The following GIGYF2 variants were observed in gnomAD, a reference collection of about 807,000 sequenced individuals.
GIGYF2 encodes GRB10-interacting GYF protein 2.
A neutral mutation model predicts 208.1 loss-of-function variants in GIGYF2; 25 were observed. The observed-to-expected ratio is 0.12, with a 90% CI of 0.09 to 0.17. The LOEUF (loss-of-function observed/expected upper bound fraction) is 0.17. Ranked by LOEUF, GIGYF2 falls within the 10% of genes least tolerant of loss-of-function variation. The pLI, the probability that GIGYF2 is intolerant of heterozygous loss-of-function variation, is 1.00. For missense variants in GIGYF2, 1,302 were observed against 1,579.4 expected, an observed-to-expected ratio of 0.82 and a Z score of 2.98; for synonymous variants, 534 against 543.8, an observed-to-expected ratio of 0.98 and a Z score of 0.25.
intron 28 of GIGYF2, among the ~76,000 whole-genome samples, chr2:232,851,413 AT>A (rs5839451): frequency 2.7e-4 from 41 of 149,192 alleles, no homozygotes; most frequent in Admixed American, 2.0e-3. Context: ...TGAAACTAAC[AT>A]TTTTTTTTTC....
chr2:232,791,402 G>A lies in GIGYF2; in HGVS notation c.1238G>A (p.Arg413Gln), dbSNP rs142033312. Residue 413 changes from arginine (R) to glutamine (Q), a missense_variant, in exon 12 of 29, where the codon CGG (arginine) becomes CAG (glutamine). Coordinates refer to ENST00000373563, the MANE Select transcript of GIGYF2 (RefSeq NM_001103146.3). ...EQTEKAEEET[R>Q]MENSLPAKVP... ...ACGGAAAAAGCTGAAGAGGAGACTC[G>A]GATGGAAAATAGTCTACCAGCCAAA... 18 of 1,613,978 alleles carry A rather than the reference G, an allele frequency of 1.1e-5. No individual in the cohort carries two copies. The highest frequency in any genetic ancestry group is 8.0e-5 in the African/African-American group (6 of 74,978).
At chr2:232,739,365 C>G (rs964593712) in intron 3 of GIGYF2, among the ~76,000 whole-genome samples, 5 of 128,938 alleles carry the variant, frequency 3.9e-5, no homozygotes, top group Admixed American at 7.5e-5. Context: ...AAGCAAACCC[C>G]CCCCCCCCCG....
At chr2:232,770,053 T>A (rs1699168592) in intron 8 of GIGYF2, among the ~76,000 whole-genome samples, 2 of 152,192 alleles carry the variant, frequency 1.3e-5, no homozygotes, top group African/African-American at 4.8e-5. Context: ...TTTTCCCATA[T>A]AAGTTTATAG....
At chr2:232,773,910 TAAAA>T (rs61323973) in intron 8 of GIGYF2, among the ~76,000 whole-genome samples, 8 of 112,798 alleles carry the variant, frequency 7.1e-5, no homozygotes, top group African/African-American at 9.5e-5. Flanking sequence ...TGTCTCTATT[TAAAA>T]AAAAAAAAAA....
intron 3 of GIGYF2, 106 bp from the exon 4 acceptor site, chr2:232,747,509 T>C (rs1698188527): frequency 8.2e-7 from 1 of 1,214,774 alleles, no homozygotes; most frequent in Admixed American, 1.8e-5. Context: ...GTAGGATTTC[T>C]TTTTGCTCTT....
intron 14 of GIGYF2, among the ~76,000 whole-genome samples, chr2:232,799,163 C>A (rs1054334763): frequency 1.3e-5 from 2 of 151,960 alleles, no homozygotes; most frequent in African/African-American, 2.4e-5. Context: ...GAATAATATT[C>A]CCCTGTAGGT....
intron 2 of GIGYF2, among the ~76,000 whole-genome samples, chr2:232,711,725 A>ATATATG (rs1216366399): frequency 6.8e-6 from 1 of 148,088 alleles, no homozygotes; most frequent in African/African-American, 2.5e-5. Context: ...ATATATATAT[A>ATATATG]TAGTTGTAAT....
At position 232,809,831 on chromosome 2, in the gene GIGYF2, AG is replaced by A; in HGVS notation, c.1898+22del. On this transcript the variant is annotated intron_variant, in intron 16 of 28. Coordinates refer to ENST00000373563, the MANE Select transcript of GIGYF2 (RefSeq NM_001103146.3). ...AATACAGTAAGAAGAGTAATGCAGT[AG>A]GATGTACTGCAGCATGAAAAAGGAC... The A allele has an allele frequency of 9.6e-6, 12 of 1,251,494 alleles. No homozygotes were observed. Among genetic ancestry groups the A allele is most frequent in the Non-Finnish European group, 1.4e-5 (12 of 848,608 alleles). The allele number at this position is 1,251,494 out of a possible 1,614,324, so 77.5% of individuals were successfully genotyped here. A position where few individuals can be genotyped will look rare whatever the true frequency, so the allele number is the denominator to read the frequency against.
At chr2:232,763,704 C>A (rs1698835061) in intron 8 of GIGYF2, among the ~76,000 whole-genome samples, 1 of 151,890 alleles carries the variant, frequency 6.6e-6, no homozygotes, top group African/African-American at 2.4e-5. Context: ...TGGGTGAGCA[C>A]CTGTACTTCC....
intron 28 of GIGYF2, 21 bp from the exon 29 acceptor site, chr2:232,856,772 T>C (rs890998284): frequency 6.3e-7 from 1 of 1,579,028 alleles, no homozygotes; most frequent in South Asian, 1.1e-5. Context: ...TGGTCACTCA[T>C]AGCCAGTTTT....
At chr2:232,772,909 GTGT>G (rs560920477) in intron 8 of GIGYF2, among the ~76,000 whole-genome samples, 83 of 152,148 alleles carry the variant, frequency 5.5e-4, no homozygotes, top group African/African-American at 1.9e-3. Flanking sequence ...CTGCCTTTCT[GTGT>G]TGTTGGAATT....
intron 18 of GIGYF2, among the ~76,000 whole-genome samples, chr2:232,815,170 G>A (rs1428905992): frequency 1.3e-5 from 2 of 152,202 alleles, no homozygotes; most frequent in African/African-American, 2.4e-5. Context: ...GAATACTTCA[G>A]TGGCATTCAC....
chr2:232,786,315 G>T (rs575339666), intron 8 of GIGYF2, among the ~76,000 whole-genome samples: 1 of 151,888 alleles, frequency 6.6e-6, no homozygotes, highest in African/African-American at 2.4e-5. Context: ...TCTGCTTACC[G>T]CGACCTCCGC....
At chr2:232,787,511 A>T (rs1699952471) in intron 9 of GIGYF2, among the ~76,000 whole-genome samples, 182 bp downstream of exon 9, 1 of 151,768 alleles carries the variant, frequency 6.6e-6, no homozygotes, top group African/African-American at 2.4e-5. Flanking sequence ...ACATCTATTC[A>T]GTTGATTGAA....
chr2:232,773,534 GCATTCTCA>G (rs1228490604), intron 8 of GIGYF2, among the ~76,000 whole-genome samples: 1 of 152,000 alleles, frequency 6.6e-6, no homozygotes, highest in Non-Finnish European at 1.5e-5. Context: ...GATTGATATT[GCATTCTCA>G]AGAAGGTCTT....
At chr2:232,752,748 G>A (rs1698383795) in intron 5 of GIGYF2, among the ~76,000 whole-genome samples, 1 of 152,110 alleles carries the variant, frequency 6.6e-6, no homozygotes, top group East Asian at 1.9e-4. Flanking sequence ...CACCGTGTTA[G>A]CCAGGATGGT....
At chr2:232,784,280 A>G (rs113661714) in intron 8 of GIGYF2, among the ~76,000 whole-genome samples, 1 of 152,124 alleles carries the variant, frequency 6.6e-6, no homozygotes, top group Non-Finnish European at 1.5e-5. Context: ...CCTAAACAAC[A>G]TAGCAAGACC....
chr2:232,787,199 T>C lies in GIGYF2; in HGVS notation c.582T>C (p.His194=), dbSNP rs753259610. The C allele has an allele frequency of 8.7e-6, 14 of 1,613,950 alleles. No individual in the cohort carries two copies. The Admixed American group carries it at 1.8e-4, about 21-fold the overall frequency. The stretch of plus-strand genomic sequence containing the variant: ...GACCAACATCAGTAGGGAGAAAGCA[T>C]GAATTTATACGCTCAGAAAGTGAAA... The part of the protein sequence containing the change: ...EGGPTSVGRK[H]EFIRSESENW... The change falls in exon 9 of 29, where the codon CAT becomes CAC. Residue 194 remains histidine (H), a synonymous_variant. Transcript: ENST00000373563.
rs1415528931 is a variant in GIGYF2, at chr2:232,750,779, A to AT, written c.267+1703dup. ...TGTGTGTATGTTTGTGTGTGTGTGT[A>AT]TTTTTTGTTTACTTATTTAGATTTT... On this transcript the variant is annotated intron_variant, in intron 5 of 28. Transcript: ENST00000373563. 2.8e-5 allele frequency among the ~76,000 whole-genome samples: 4 copies of AT among 141,664 alleles called. No individual in the cohort carries two copies. In the East Asian group the frequency reaches 8.3e-4, roughly 29 times the overall value. 92.9% of individuals were successfully genotyped at this position (141,664 alleles called of 152,430 possible). A position where few individuals can be genotyped will look rare whatever the true frequency, so the allele number is the denominator to read the frequency against.
Sources: allele counts gnomAD v4.1 joint callset (sites outside exome capture counted in the v4.1 genomes callset), GRCh38; gene constraint gnomAD v4.1.1; transcripts MANE v1.5; gene names NCBI Gene and HGNC (gene_info 2026-07-23, HGNC 2026-07-21).